DNM3: variants seen among roughly 807,000 people sequenced by gnomAD.
DNM3 encodes the protein dynamin 3, also known as dynamin-3.
Under a neutral mutation model 101.6 loss-of-function variants are expected in DNM3, and 47 were observed. That is an observed-to-expected ratio of 0.46 (90% CI 0.37 to 0.59). DNM3 has a LOEUF of 0.59. Ranked by LOEUF, DNM3 falls within the 20% of genes least tolerant of loss-of-function variation. The pLI is 0.00. For synonymous variants in DNM3, 385 were observed against 387.9 expected, an observed-to-expected ratio of 0.99 and a Z score of 0.09; for missense variants, 849 against 1,085.7, an observed-to-expected ratio of 0.78 and a Z score of 3.06.
chr1:172,320,505 T>C (rs2148906933), intron 16 of DNM3, among the ~76,000 whole-genome samples: 1 of 152,164 alleles, frequency 6.6e-6, no homozygotes, highest in South Asian at 2.1e-4. Flanking sequence ...CTGGAAACCT[T>C]CATTCTCAGC....
chr1:171,993,692 C>G (rs2045802292), intron 4 of DNM3, among the ~76,000 whole-genome samples: 1 of 151,888 alleles, frequency 6.6e-6, no homozygotes, highest in African/African-American at 2.4e-5. Context: ...TCTTCTCTTT[C>G]TGAGAATCAC....
chr1:172,222,757 A>AC (rs1228510640), intron 14 of DNM3, among the ~76,000 whole-genome samples: 2 of 152,144 alleles, frequency 1.3e-5, no homozygotes, highest in Non-Finnish European at 2.9e-5. Flanking sequence ...ACTAAATAGA[A>AC]CATTAACAGA....
At chr1:172,205,456 G>A (rs7535241) in intron 14 of DNM3, among the ~76,000 whole-genome samples, 33,444 of 151,814 alleles carry the variant, frequency 0.22, 4,818 homozygotes, top group Middle Eastern at 0.34. Flanking sequence ...TTATCAACAC[G>A]AAACATACCA....
intron 1 of DNM3, among the ~76,000 whole-genome samples, chr1:171,886,655 C>T (rs1343919221): frequency 6.6e-6 from 1 of 152,040 alleles, no homozygotes; most frequent in South Asian, 2.1e-4. Context: ...GAGTGAGAAT[C>T]AAAGCTTATT....
At chr1:171,983,959 C>T (rs530843052) in intron 2 of DNM3, among the ~76,000 whole-genome samples, 1 of 152,272 alleles carries the variant, frequency 6.6e-6, no homozygotes, top group East Asian at 1.9e-4. Context: ...CATCCCTTCT[C>T]ATCCTCTTCC....
rs951752069 is a variant in DNM3, at chr1:172,371,890, TTTTATTTA to T, written c.1894-7104_1894-7097del. 3.0e-4 allele frequency among the ~76,000 whole-genome samples: 44 copies of T among 147,802 alleles called. 1 individual carries two copies. Among genetic ancestry groups the T allele is most frequent in the East Asian group, 2.1e-3 (11 of 5,118 alleles). ...TTTTTATTTTTTATTTTTTTTACTT[TTTTATTTA>T]TTTATTTATTTATTTATTTATTTTT... On this transcript the variant is annotated intron_variant, in intron 17 of 20. Transcript: ENST00000627582.
intron 10 of DNM3, among the ~76,000 whole-genome samples, chr1:172,067,078 T>A (rs1422168047): frequency 1.3e-5 from 2 of 152,184 alleles, no homozygotes; most frequent in African/African-American, 4.8e-5. Context: ...TAAATTGTGC[T>A]AATCTCAGTA....
chr1:171,894,332 T>G (rs12121064), intron 1 of DNM3, among the ~76,000 whole-genome samples: 17,564 of 152,250 alleles, frequency 0.12, 1,198 homozygotes, highest in South Asian at 0.23. Flanking sequence ...CAGGATCTTC[T>G]TTGCCACTGG....
At chr1:171,866,717 C>A (rs761844723) in intron 1 of DNM3, among the ~76,000 whole-genome samples, 3 of 151,854 alleles carry the variant, frequency 2.0e-5, no homozygotes, top group Non-Finnish European at 4.4e-5. Context: ...TTGTACTTTT[C>A]AAATAGAATG....
rs113531282 is a variant in DNM3, at chr1:172,190,756, C to T, written c.1659+59468C>T. Among the ~76,000 whole-genome samples, 1,099 of 152,320 alleles carry T rather than the reference C, an allele frequency of 7.2e-3. 8 individuals carry two copies. Among genetic ancestry groups the T allele is most frequent in the Non-Finnish European group, 7.9e-3 (540 of 68,034 alleles). On this transcript the variant is annotated intron_variant, in intron 14 of 20. Transcript: ENST00000627582. The stretch of plus-strand genomic sequence containing the variant: ...CATTGTGGTTTTGATTTGCATTTCT[C>T]TGATGGCCAGTGATGATGAGCATTT...
chr1:172,178,788 T>A lies in DNM3; in HGVS notation c.1659+47500T>A, dbSNP rs531352290. 6.6e-4 allele frequency among the ~76,000 whole-genome samples: 100 copies of A among 152,070 alleles called. 2 individuals carry two copies. In the South Asian group the frequency reaches 0.02, roughly 30 times the overall value. ...TTGATTATTAGTTGATCATCAGTGA[T>A]CTTTAGGATTTCATTGTCAATACAA... On this transcript the variant is annotated intron_variant, in intron 14 of 20. Coordinates refer to ENST00000627582, the MANE Select transcript of DNM3 (RefSeq NM_015569.5).
intron 14 of DNM3, among the ~76,000 whole-genome samples, chr1:172,239,514 A>C (rs950171898): frequency 1.3e-5 from 2 of 152,166 alleles, no homozygotes; most frequent in Non-Finnish European, 2.9e-5. Context: ...CAGAAGGTTC[A>C]CATAGCTAGT....
At chr1:171,842,305 G>A (rs1571201957) in intron 1 of DNM3, among the ~76,000 whole-genome samples, 1 of 152,264 alleles carries the variant, frequency 6.6e-6, no homozygotes, top group East Asian at 1.9e-4. Flanking sequence ...CCCTCCCTTA[G>A]GTGGAGATGC....
intron 14 of DNM3, among the ~76,000 whole-genome samples, chr1:172,246,278 A>C (rs542031550): frequency 6.6e-5 from 10 of 152,290 alleles, no homozygotes; most frequent in African/African-American, 2.4e-4. Context: ...TACCAGGGTG[A>C]GAAGATGAGT....
At chr1:172,253,486 C>A in intron 14 of DNM3, 87 bp from the exon 15 acceptor site, 1 of 875,156 alleles carries the variant, frequency 1.1e-6, no homozygotes, top group Non-Finnish European at 1.7e-6. Flanking sequence ...AGTCAATTTT[C>A]TGTCTCTCCT....
intron 2 of DNM3, among the ~76,000 whole-genome samples, chr1:171,933,404 C>T (rs907265660): frequency 3.3e-5 from 5 of 151,894 alleles, no homozygotes; most frequent in African/African-American, 1.2e-4. Context: ...TTACTAGGTG[C>T]CAGGCAAATA....
At chr1:172,207,817 TA>T (rs1327598186) in intron 14 of DNM3, among the ~76,000 whole-genome samples, 2 of 152,096 alleles carry the variant, frequency 1.3e-5, no homozygotes, top group Non-Finnish European at 2.9e-5. Flanking sequence ...TTCTAGAATT[TA>T]AAAAATCACC....
intron 14 of DNM3, among the ~76,000 whole-genome samples, chr1:172,218,833 T>C (rs2060798688): frequency 1.3e-5 from 2 of 152,116 alleles, no homozygotes; most frequent in Admixed American, 6.6e-5. Flanking sequence ...TATAGTGTTA[T>C]GGATCAGAAT....
rs76259299 is a variant in DNM3, at chr1:172,099,569, GA to G, written c.1545+6705del. Among the ~76,000 whole-genome samples the G allele has an allele frequency of 1.5e-3, 211 of 142,978 alleles. 1 individual carries two copies. Among genetic ancestry groups the G allele is most frequent in the Middle Eastern group, 7.2e-3 (2 of 278 alleles). The allele number at this position is 142,978 out of a possible 152,430, so 93.8% of individuals were successfully genotyped here. ...AAATATACTCTGAGCTTGTGCCCAGGAAAAAAAAAAAGACAAAAAAAGATGA... is the reference window on the plus strand; with the variant it reads ...AAATATACTCTGAGCTTGTGCCCAGGAAAAAAAAAAGACAAAAAAAGATGA... On this transcript the variant is annotated intron_variant, in intron 13 of 20. Coordinates refer to ENST00000627582, the MANE Select transcript of DNM3 (RefSeq NM_015569.5).
Sources: allele counts gnomAD v4.1 joint callset (sites outside exome capture counted in the v4.1 genomes callset), GRCh38; gene constraint gnomAD v4.1.1; transcripts MANE v1.5; gene names NCBI Gene and HGNC (gene_info 2026-07-23, HGNC 2026-07-21).